ASTN2: variants seen among roughly 807,000 people sequenced by gnomAD.
ASTN2 encodes astrotactin 2, also known as astrotactin-2.
In ASTN2, 54 loss-of-function variants were observed where a neutral mutation model predicts 139.8. That is an observed-to-expected ratio of 0.39 (90% confidence interval 0.31 to 0.48). The LOEUF is 0.48. Among genes scored for constraint, ASTN2 ranks in the 20% least tolerant of loss-of-function variants. The probability of loss-of-function intolerance (pLI) is 0.95; values close to 1 mark genes in which losing one functional copy is unlikely to be tolerated. For missense variants in ASTN2, 1,565 were observed against 1,725.1 expected (o/e 0.91, Z 1.64); for synonymous variants, 756 against 719.5 (o/e 1.05, Z -0.81).
At chr9:116,547,673 G>A (rs573358595) in intron 19 of ASTN2, 24 of 152,292 alleles carry the variant, frequency 1.6e-4, no homozygotes, top group African/African-American at 4.8e-4. Flanking sequence ...AGAACTTATC[G>A]CAGTGCCTGG....
At chr9:117,279,419 T>C (rs1834273369) in intron 2 of ASTN2, among the ~76,000 whole-genome samples, 1 of 152,228 alleles carries the variant, frequency 6.6e-6, no homozygotes. Flanking sequence ...GTATCATTAA[T>C]ACAACATTTG....
intron 5 of ASTN2, among the ~76,000 whole-genome samples, chr9:117,089,892 T>C (rs1422369817): frequency 3.3e-5 from 5 of 152,246 alleles, no homozygotes; most frequent in Non-Finnish European, 7.3e-5. Context: ...TATTCCATCA[T>C]GTATATATAC....
At chr9:116,506,162 T>C (rs1850101649) in intron 19 of ASTN2, among the ~76,000 whole-genome samples, 2 of 152,188 alleles carry the variant, frequency 1.3e-5, no homozygotes, top group Admixed American at 6.5e-5. Flanking sequence ...CGGTATGTAG[T>C]AGGTGTTCAA....
chr9:116,540,939 A>C (rs1214219625), intron 19 of ASTN2, among the ~76,000 whole-genome samples: 1 of 152,020 alleles, frequency 6.6e-6, no homozygotes, highest in African/African-American at 2.4e-5. Context: ...ATGAACATGA[A>C]AATTTTTACA....
chr9:116,618,446 G>T lies in ASTN2; in HGVS notation c.3233C>A (p.Pro1078His). The T allele has an allele frequency of 1.9e-6, 3 of 1,613,254 alleles. No individual in the cohort carries two copies. The highest frequency in any genetic ancestry group is 2.5e-6 in the Non-Finnish European group (3 of 1,179,658). ...PVLRLSPTVE[P>H]SSTVVSLEWV... ...CTCCAAGGAGACCACAGTACTGGAG[G>T]GCTCCACTGTTGGGGACAGCCGCAG... is the stretch of plus-strand genomic sequence containing the variant. The change falls in exon 19 of 23, where the codon CCC becomes CAC. Residue 1078 changes from proline to histidine, a missense_variant. This residue lies in a region of ASTN2 where 418 missense variants were observed against 465.8 expected (regional missense o/e 0.90). Transcript: ENST00000313400.
intron 1 of ASTN2, among the ~76,000 whole-genome samples, chr9:117,306,111 C>T (rs990491381): frequency 1.2e-4 from 18 of 152,280 alleles, no homozygotes; most frequent in South Asian, 2.1e-4. Flanking sequence ...CTCAGGGTGT[C>T]GGACTAGAAA....
chr9:116,574,700 G>A (rs781253170), intron 19 of ASTN2, among the ~76,000 whole-genome samples: 1 of 152,156 alleles, frequency 6.6e-6, no homozygotes, highest in African/African-American at 2.4e-5. Context: ...ATGCTTGCCC[G>A]TTTCTACCGA....
At chr9:116,980,697 G>T (rs1836487667) in intron 7 of ASTN2, among the ~76,000 whole-genome samples, 1 of 152,042 alleles carries the variant, frequency 6.6e-6, no homozygotes, top group South Asian at 2.1e-4. Context: ...CAGCAGCCTG[G>T]GTGTCTCTAG....
intron 10 of ASTN2, among the ~76,000 whole-genome samples, chr9:116,950,386 T>A (rs1039355008): frequency 6.6e-6 from 1 of 151,960 alleles, no homozygotes; most frequent in African/African-American, 2.4e-5. Context: ...GGAACAGAAA[T>A]GACAAAAAGA....
rs375430304 is a variant in ASTN2 at position 116,425,875 on chromosome 9, C to T, written c.3996G>A (p.Thr1332=). The T allele has an allele frequency of 2.1e-5, 34 of 1,614,026 alleles. No individual in the cohort carries two copies. Among genetic ancestry groups the T allele is most frequent in the Middle Eastern group, 1.6e-4 (1 of 6,084 alleles). ...EEKMVSMARN[T]YGESKGR is the part of the protein sequence containing the mutation. ...CTCACCGGCCCTTGGACTCCCCGTACGTGTTTCGGGCCATTGACACCATCT... is the reference window on the plus strand; with the variant it reads ...CTCACCGGCCCTTGGACTCCCCGTATGTGTTTCGGGCCATTGACACCATCT... Residue 1332 remains threonine, a synonymous_variant, in exon 23 of 23, where the codon ACG becomes ACA. Transcript: ENST00000313400.
At chr9:117,260,567 G>A (rs1353767727) in intron 2 of ASTN2, among the ~76,000 whole-genome samples, 1 of 152,108 alleles carries the variant, frequency 6.6e-6, no homozygotes, top group Non-Finnish European at 1.5e-5. Context: ...CAACAGCAAT[G>A]GTGTTGAGAA....
intron 5 of ASTN2, among the ~76,000 whole-genome samples, chr9:117,054,790 C>T (rs1839011462): frequency 6.6e-6 from 1 of 152,140 alleles, no homozygotes; most frequent in Admixed American, 6.5e-5. Context: ...GGACTTTCTC[C>T]TAGATCAGTG....
Position 117,128,083 on chromosome 9 carries a change from A to C in ASTN2, c.1168+13243T>G, listed in dbSNP as rs549033029. Among the ~76,000 whole-genome samples, 55 of 152,260 alleles carry C rather than the reference A, an allele frequency of 3.6e-4. No homozygotes were observed. The South Asian group carries it at 7.5e-3, about 21-fold the overall frequency. On this transcript the variant is annotated intron_variant, in intron 4 of 22. Transcript: ENST00000313400. ...TAGGGAGTGAAAGCTGTCTTCTTGC[A>C]CTGAGTCAGTTCCTGGGTGGGGGCT...
At chr9:117,378,781 A>T (rs759435277) in intron 1 of ASTN2, among the ~76,000 whole-genome samples, 2 of 152,148 alleles carry the variant, frequency 1.3e-5, no homozygotes, top group Non-Finnish European at 1.5e-5. Flanking sequence ...TGTCTTAGAT[A>T]TGTTTTAGAT....
intron 1 of ASTN2, among the ~76,000 whole-genome samples, chr9:117,292,669 C>T (rs922242434): frequency 5.9e-5 from 9 of 152,010 alleles, no homozygotes; most frequent in Non-Finnish European, 1.0e-4. Context: ...AGGCAGTATT[C>T]CTACAGTCTC....
chr9:116,744,454 A>T (rs1268529399), intron 13 of ASTN2, among the ~76,000 whole-genome samples: 1 of 152,146 alleles, frequency 6.6e-6, no homozygotes, highest in Non-Finnish European at 1.5e-5. Flanking sequence ...AGGGTAGAGG[A>T]TGGACTGAAA....
intron 20 of ASTN2, among the ~76,000 whole-genome samples, chr9:116,447,749 G>A (rs1262474743): frequency 1.3e-5 from 2 of 152,158 alleles, no homozygotes; most frequent in Non-Finnish European, 2.9e-5. Flanking sequence ...CACAATGCCC[G>A]ACATGTGATA....
chr9:117,153,767 A>G (rs1830374922), intron 3 of ASTN2, among the ~76,000 whole-genome samples: 2 of 152,104 alleles, frequency 1.3e-5, no homozygotes, highest in South Asian at 2.1e-4. Flanking sequence ...AAGAATTGAC[A>G]ATCACCTGAA....
At position 116,926,203 on chromosome 9, in the gene ASTN2, A is replaced by G. The variant is rs890252617; in HGVS notation, c.1889+49005T>C. On this transcript the variant is annotated intron_variant, in intron 10 of 22. Coordinates refer to ENST00000313400, the MANE Select transcript of ASTN2 (RefSeq NM_001365068.1). ...CAAATACTACAGTGTCTAAGAAACC[A>G]TCAATGATGTCTTCAAGCTTCCTGC... Among the ~76,000 whole-genome samples the G allele has an allele frequency of 3.3e-5, 5 of 152,290 alleles. No homozygotes were observed. The East Asian group carries it at 9.7e-4, about 29-fold the overall frequency.
Sources: gnomAD v4.1 joint callset for allele counts (sites outside exome capture counted in the v4.1 genomes callset) on GRCh38, gnomAD v4.1.1 for gene constraint, gnomAD v4.1.1 regional missense constraint, MANE v1.5 for transcripts, NCBI Gene and HGNC (gene_info 2026-07-23, HGNC 2026-07-21) for gene names.